The following PPIL6 variants were observed in gnomAD, a reference collection of about 807,000 sequenced individuals.
The protein encoded by PPIL6 is peptidylprolyl isomerase like 6, also known as probable inactive peptidyl-prolyl cis-trans isomerase-like 6.
In PPIL6, 39 loss-of-function variants were observed where a neutral mutation model predicts 36.8. The ratio of observed to expected loss-of-function variants is 1.06; its 90% confidence interval spans 0.82 to 1.38. The LOEUF is 1.38. PPIL6 is among the 40% of genes most tolerant of loss of function. The pLI, the probability that PPIL6 is intolerant of heterozygous loss-of-function variation, is 0.00. For synonymous variants in PPIL6, 123 were observed against 134.1 expected (o/e 0.92, Z 0.57); for missense variants, 368 against 379.1 (o/e 0.97, Z 0.24).
intron 1 of PPIL6, among the ~76,000 whole-genome samples, chr6:109,439,271 C>T (rs1774646505): frequency 1.3e-5 from 2 of 152,174 alleles, no homozygotes; most frequent in African/African-American, 2.4e-5. Flanking sequence ...TTGCTGATCC[C>T]GTCTGCCCAA....
At chr6:109,432,019 C>T (rs1276181029) in intron 2 of PPIL6, among the ~76,000 whole-genome samples, 2 of 152,148 alleles carry the variant, frequency 1.3e-5, no homozygotes, top group Non-Finnish European at 2.9e-5. Flanking sequence ...TAGGTCGACA[C>T]ATTAATAGAA....
At chr6:109,431,034 G>A in intron 3 of PPIL6, 123 bp downstream of exon 3, 1 of 713,602 alleles carries the variant, frequency 1.4e-6, no homozygotes. Flanking sequence ...AATGGAACTA[G>A]GCTTTAAACT....
At chr6:109,421,507 G>C (rs746024535) in intron 5 of PPIL6, among the ~76,000 whole-genome samples, 28 of 152,328 alleles carry the variant, frequency 1.8e-4, no homozygotes, top group Non-Finnish European at 2.8e-4. Context: ...GTTTGGCAGA[G>C]TGTCATGCCC....
chr6:109,401,026 A>ATTTTTTT (rs749611966), intron 6 of PPIL6, among the ~76,000 whole-genome samples: 8 of 114,924 alleles, frequency 7.0e-5, no homozygotes, highest in African/African-American at 1.5e-4. Flanking sequence ...TGCCCGGCTA[A>ATTTTTTT]TTTTTTTTTT....
Position 109,431,175 on chromosome 6 carries a change from C to G in PPIL6, c.402G>C (p.Lys134Asn). Residue 134 changes from lysine to asparagine, a missense_variant, in exon 3 of 8, where the codon AAG becomes AAC. Physicochemically the swap from Lys to Asn is moderately conservative, Grantham distance 94. Coordinates refer to ENST00000521072, the MANE Select transcript of PPIL6 (RefSeq NM_173672.5). ...AACTTGCCTTGGTGTCTCTTAAGAACTTAGCGGAAAAATCCTCAGTGAGTG... is the reference window on the plus strand; with the variant it reads ...AACTTGCCTTGGTGTCTCTTAAGAAGTTAGCGGAAAAATCCTCAGTGAGTG... ...YDALTEDFSA[K>N]FLRDTKHDFV... is the part of the protein sequence containing the mutation. 1.9e-6 allele frequency: 3 copies of G among 1,609,270 alleles called. 1 individual carries two copies. The highest frequency in any genetic ancestry group is 1.7e-4 in the Middle Eastern group (1 of 6,046).
chr6:109,431,328 G>A lies in PPIL6; in HGVS notation c.249C>T (p.Thr83=). Residue 83 remains threonine (T), a synonymous_variant, in exon 3 of 8, where the codon ACC becomes ACT. Coordinates refer to ENST00000521072, the MANE Select transcript of PPIL6 (RefSeq NM_173672.5). The part of the protein sequence containing the change: ...QEKKRELKNE[T]WEYSSSVISF... ...AAATCACAGAGGAAGAATATTCCCA[G>A]GTTTCATTTTTGAGTTCCTGTAAGG... The A allele has an allele frequency of 6.4e-7, 1 of 1,562,592 alleles. No individual in the cohort carries two copies. Among genetic ancestry groups the A allele is most frequent in the Non-Finnish European group, 8.7e-7 (1 of 1,151,622 alleles).
intron 6 of PPIL6, among the ~76,000 whole-genome samples, chr6:109,417,720 C>T (rs1039766496): frequency 3.9e-5 from 6 of 152,186 alleles, no homozygotes; most frequent in African/African-American, 1.2e-4. Flanking sequence ...CAAAGAACTA[C>T]AAAAGCCACA....
chr6:109,396,382 C>T (rs1234489145), intron 7 of PPIL6, among the ~76,000 whole-genome samples: 1 of 152,154 alleles, frequency 6.6e-6, no homozygotes, highest in South Asian at 2.1e-4. Context: ...GCATGGCACC[C>T]GCAGTCCATT....
rs1774429494 is a variant in PPIL6, at chr6:109,436,089, C to T, written c.231+15G>A. ...GCTTGTTGTCTATATCCCCCACACC[C>T]CAAATATCCTTTACCCTTTTTTTCT... On this transcript the variant is annotated intron_variant, in intron 2 of 7. Coordinates refer to ENST00000521072, the MANE Select transcript of PPIL6 (RefSeq NM_173672.5). 1 of 1,408,130 alleles carries T rather than the reference C, an allele frequency of 7.1e-7. No individual in the cohort carries two copies. Among genetic ancestry groups the T allele is most frequent in the Non-Finnish European group, 1.0e-6 (1 of 993,810 alleles). The allele number at this position is 1,408,130 out of a possible 1,614,324, so 87.2% of individuals were successfully genotyped here.
Position 109,392,574 on chromosome 6 carries a change from C to T in PPIL6, c.*252G>A, listed in dbSNP as rs1772133230. 2 of 385,532 alleles carry T rather than the reference C, an allele frequency of 5.2e-6. No homozygotes were observed. The highest frequency in any genetic ancestry group is 9.1e-5 in the Admixed American group (2 of 21,906). 23.9% of individuals were successfully genotyped at this position (385,532 alleles called of 1,614,324 possible). Reference sequence around the variant, plus strand: ...GGACCACTGGCGTTCTATTCCTGTCCCACTGGCCAGAACCATCTCTCATGG... The same window carrying T: ...GGACCACTGGCGTTCTATTCCTGTCTCACTGGCCAGAACCATCTCTCATGG... On this transcript the variant is annotated 3_prime_UTR_variant, in exon 8 of 8. Transcript: ENST00000521072.
chr6:109,394,778 T>C (rs896370938), intron 7 of PPIL6, among the ~76,000 whole-genome samples: 3 of 152,236 alleles, frequency 2.0e-5, no homozygotes, highest in Non-Finnish European at 4.4e-5. Context: ...CAAGACAAGA[T>C]AAGCAAAGGC....
In PPIL6 at chr6:109,390,502, T is replaced by A. The variant is rs1772059298; in HGVS notation, c.*2324A>T. The A allele has an allele frequency of 6.6e-6, 1 of 152,192 alleles. No individual in the cohort carries two copies. Among genetic ancestry groups the A allele is most frequent in the Non-Finnish European group, 1.5e-5 (1 of 68,054 alleles). 9.4% of individuals were successfully genotyped at this position (152,192 alleles called of 1,614,324 possible). A position where few individuals can be genotyped will look rare whatever the true frequency, so the allele number is the denominator to read the frequency against. ...AATGTAACATAGGCGGTCTGCTTCC[T>A]CCCATCCACCTCAGGTCTTAGCATA... On this transcript the variant is annotated 3_prime_UTR_variant, in exon 8 of 8. Transcript: ENST00000521072.
chr6:109,405,799 C>T (rs1206439545), intron 6 of PPIL6, among the ~76,000 whole-genome samples: 4 of 152,140 alleles, frequency 2.6e-5, no homozygotes, highest in Admixed American at 6.6e-5. Context: ...ACCCTCCTTC[C>T]GCCACTTCAA....
chr6:109,422,533 C>G (rs551268826), intron 5 of PPIL6, among the ~76,000 whole-genome samples: 31 of 151,874 alleles, frequency 2.0e-4, no homozygotes, highest in Non-Finnish European at 3.5e-4. Flanking sequence ...GAGGCTGCAG[C>G]GAGCTGTGAT....
chr6:109,435,214 C>T (rs1774377762), intron 2 of PPIL6, among the ~76,000 whole-genome samples: 2 of 151,892 alleles, frequency 1.3e-5, no homozygotes, highest in East Asian at 3.9e-4. Context: ...GACAGGGTAA[C>T]TAACCATCAT....
chr6:109,437,613 G>A (rs529102684), intron 1 of PPIL6, among the ~76,000 whole-genome samples: 55 of 143,616 alleles, frequency 3.8e-4, no homozygotes, highest in African/African-American at 1.2e-3. Flanking sequence ...GGAGTGCAGC[G>A]GTGTGACCTC....
rs542626913 is a variant in PPIL6, at chr6:109,424,034, C to T, written c.631+2813G>A. On this transcript the variant is annotated intron_variant, in intron 5 of 7. Coordinates refer to ENST00000521072, the MANE Select transcript of PPIL6 (RefSeq NM_173672.5). ...GACAATAAACAAATGAACTAAGAAACATATGGTAGTATGTCTAATGATGAA... is the reference window on the plus strand; with the variant it reads ...GACAATAAACAAATGAACTAAGAAATATATGGTAGTATGTCTAATGATGAA... Among the ~76,000 whole-genome samples the T allele has an allele frequency of 2.6e-5, 4 of 152,218 alleles. No individual in the cohort carries two copies. The South Asian group carries it at 6.2e-4, about 24-fold the overall frequency.
At chr6:109,439,210 T>C (rs928193592) in intron 1 of PPIL6, among the ~76,000 whole-genome samples, 3 of 152,242 alleles carry the variant, frequency 2.0e-5, no homozygotes, top group African/African-American at 7.2e-5. Context: ...AACTCATTAA[T>C]ACATTAACTT....
chr6:109,436,258 T>C (rs1007280232), intron 1 of PPIL6, 59 bp from the exon 2 acceptor site: 8 of 1,045,598 alleles, frequency 7.7e-6, no homozygotes, highest in Non-Finnish European at 1.2e-5. Context: ...GTCAAAATCA[T>C]GTTCCCCAAT....
Sources: allele counts gnomAD v4.1 joint callset (sites outside exome capture counted in the v4.1 genomes callset), GRCh38; gene constraint gnomAD v4.1.1; transcripts MANE v1.5; gene names NCBI Gene and HGNC (gene_info 2026-07-23, HGNC 2026-07-21).